The following EHBP1 variants were observed in gnomAD, a reference collection of about 807,000 sequenced individuals.
EHBP1 encodes EH domain-binding protein 1.
A neutral mutation model predicts 144.0 loss-of-function variants in EHBP1; 55 were observed. That is an observed-to-expected ratio of 0.38 (90% CI 0.31 to 0.48). EHBP1 has a LOEUF of 0.48. Ranked by LOEUF, EHBP1 falls within the 20% of genes least tolerant of loss-of-function variation. The probability of loss-of-function intolerance (pLI) is 0.98; values close to 1 mark genes in which losing one functional copy is unlikely to be tolerated. For missense variants in EHBP1, 1,200 were observed against 1,364.2 expected, an observed-to-expected ratio of 0.88 and a Z score of 1.90; for synonymous variants, 469 against 472.7, an observed-to-expected ratio of 0.99 and a Z score of 0.10.
intron 10 of EHBP1, among the ~76,000 whole-genome samples, chr2:62,899,131 G>A (rs2053192536): frequency 6.6e-6 from 1 of 152,146 alleles, no homozygotes; most frequent in Non-Finnish European, 1.5e-5. Context: ...GAAGGTGCTG[G>A]CTTGTTGAGG....
chr2:62,800,172 C>T (rs2043873213), intron 5 of EHBP1, among the ~76,000 whole-genome samples: 2 of 152,090 alleles, frequency 1.3e-5, no homozygotes, highest in Admixed American at 1.3e-4. Flanking sequence ...AGTGATGATG[C>T]TTGAATTTTG....
At chr2:62,907,707 G>A (rs2053912565) in intron 10 of EHBP1, among the ~76,000 whole-genome samples, 1 of 152,102 alleles carries the variant, frequency 6.6e-6, no homozygotes, top group Admixed American at 6.5e-5. Context: ...TAAGGGTTAG[G>A]GTTTCAACTT....
intron 1 of EHBP1, among the ~76,000 whole-genome samples, chr2:62,685,389 G>A (rs1253374985): frequency 6.6e-6 from 1 of 152,064 alleles, no homozygotes; most frequent in Non-Finnish European, 1.5e-5. Flanking sequence ...TTATGAGGGA[G>A]AGTCTGTTTC....
At chr2:62,959,387 T>A (rs1484676732) in intron 14 of EHBP1, among the ~76,000 whole-genome samples, 1 of 152,200 alleles carries the variant, frequency 6.6e-6, no homozygotes, top group Admixed American at 6.5e-5. Context: ...TTCTGATAAG[T>A]ACCCCGAAGT....
chr2:62,747,320 G>C (rs2039251567), intron 2 of EHBP1, 75 bp from the exon 3 acceptor site: 1 of 1,295,630 alleles, frequency 7.7e-7, no homozygotes, highest in African/African-American at 1.5e-5. Flanking sequence ...TGACATTTTT[G>C]CCCTTTTAAA....
chr2:62,709,835 C>G (rs2034968270), intron 2 of EHBP1, among the ~76,000 whole-genome samples: 1 of 151,930 alleles, frequency 6.6e-6, no homozygotes, highest in African/African-American at 2.4e-5. Context: ...TTATTTATAC[C>G]AGTTCTAGAA....
intron 3 of EHBP1, among the ~76,000 whole-genome samples, chr2:62,756,376 C>A (rs373401275): frequency 1.3e-5 from 2 of 152,144 alleles, no homozygotes; most frequent in East Asian, 1.9e-4. Context: ...ATTTTAAAAT[C>A]TTTCCTGAAT....
At chr2:62,714,642 C>T (rs1172076728) in intron 2 of EHBP1, among the ~76,000 whole-genome samples, 1 of 152,112 alleles carries the variant, frequency 6.6e-6, no homozygotes, top group Non-Finnish European at 1.5e-5. Flanking sequence ...ACAGAGTAAG[C>T]ACCCAGAAAA....
chr2:62,857,000 G>A (rs2049113403), intron 7 of EHBP1, among the ~76,000 whole-genome samples: 1 of 152,210 alleles, frequency 6.6e-6, no homozygotes, highest in Non-Finnish European at 1.5e-5. Context: ...TTTGAAGATG[G>A]AGGAAGGGGG....
rs116080249 is a variant in EHBP1 at position 62,934,933 on chromosome 2, C to T, written c.1186-7785C>T. On this transcript the variant is annotated intron_variant, in intron 10 of 22. Transcript: ENST00000431489. ...GAAGGTAAACTTGAGAGCATTTCTT[C>T]ATGGAGAAAGAGTTTAGTTAACCCT... 2.8e-3 allele frequency among the ~76,000 whole-genome samples: 425 copies of T among 152,210 alleles called. 5 individuals are homozygous for T. The highest frequency in any genetic ancestry group is 5.9e-3 in the Admixed American group (90 of 15,284).
intron 2 of EHBP1, among the ~76,000 whole-genome samples, chr2:62,738,047 G>T (rs886080767): frequency 6.6e-6 from 1 of 152,134 alleles, no homozygotes; most frequent in African/African-American, 2.4e-5. Context: ...TTATAGGCAC[G>T]AGCCACTGTG....
intron 2 of EHBP1, among the ~76,000 whole-genome samples, chr2:62,744,928 TA>T (rs1374740070): frequency 6.6e-6 from 1 of 152,172 alleles, no homozygotes; most frequent in African/African-American, 2.4e-5. Context: ...CTGTGAAATT[TA>T]AAAAACTGCA....
intron 1 of EHBP1, among the ~76,000 whole-genome samples, chr2:62,676,314 A>G (rs992013593): frequency 6.6e-6 from 1 of 152,270 alleles, no homozygotes; most frequent in Admixed American, 6.5e-5. Context: ...ATACAGATGT[A>G]AAATATTTCA....
intron 7 of EHBP1, among the ~76,000 whole-genome samples, chr2:62,836,036 G>A (rs995040110): frequency 6.6e-6 from 1 of 151,984 alleles, no homozygotes; most frequent in Non-Finnish European, 1.5e-5. Context: ...ACCTCTGGGG[G>A]CAGGGCACAG....
intron 10 of EHBP1, among the ~76,000 whole-genome samples, chr2:62,890,467 C>G (rs965225043): frequency 6.6e-6 from 1 of 151,942 alleles, no homozygotes; most frequent in Non-Finnish European, 1.5e-5. Context: ...CCCTAGTTAG[C>G]TTATTTTTAG....
At chr2:62,947,690 G>T (rs1271472076) in intron 12 of EHBP1, among the ~76,000 whole-genome samples, 1 of 152,090 alleles carries the variant, frequency 6.6e-6, no homozygotes, top group Non-Finnish European at 1.5e-5. Context: ...TTCTCAACTA[G>T]GTTGTAGTAC....
At chr2:62,784,409 G>A (rs1226988487) in intron 5 of EHBP1, among the ~76,000 whole-genome samples, 1 of 152,066 alleles carries the variant, frequency 6.6e-6, no homozygotes, top group Non-Finnish European at 1.5e-5. Context: ...TCCTAACATT[G>A]GGGATATGAA....
chr2:62,806,320 A>G (rs1044650155), intron 5 of EHBP1, among the ~76,000 whole-genome samples: 2 of 151,316 alleles, frequency 1.3e-5, no homozygotes, highest in Non-Finnish European at 3.0e-5. Flanking sequence ...TGTTCTTTAT[A>G]TCTGTTTTTG....
intron 5 of EHBP1, among the ~76,000 whole-genome samples, chr2:62,805,778 A>G (rs1379260091): frequency 1.3e-5 from 2 of 152,098 alleles, no homozygotes; most frequent in African/African-American, 4.8e-5. Flanking sequence ...CAGCCTCCCA[A>G]AATGCTGGGA....
Sources: allele counts gnomAD v4.1 joint callset (sites outside exome capture counted in the v4.1 genomes callset), GRCh38; gene constraint gnomAD v4.1.1; transcripts MANE v1.5; gene names NCBI Gene and HGNC (gene_info 2026-07-23, HGNC 2026-07-21).